The following NFYC variants were observed in gnomAD, a reference collection of about 807,000 sequenced individuals.
NFYC encodes CAAT box DNA-binding protein subunit C.
In NFYC, 25 loss-of-function variants were observed where a neutral mutation model predicts 53.1. The observed-to-expected ratio is 0.47, with a 90% CI of 0.34 to 0.66. NFYC has a LOEUF of 0.66. Among genes scored for constraint, NFYC ranks in the 30% least tolerant of loss-of-function variants. NFYC has a pLI of 0.01. For missense variants in NFYC, 260 were observed against 422.7 expected (o/e 0.62, Z 3.38); for synonymous variants, 145 against 152.6 (o/e 0.95, Z 0.37).
chr1:40,766,820 C>G (rs1445500636), intron 8 of NFYC, 117 bp downstream of exon 8: 6 of 1,471,860 alleles, frequency 4.1e-6, no homozygotes, highest in Non-Finnish European at 5.6e-6. Flanking sequence ...CCAGAAGCAC[C>G]ACCCCCACAC....
In NFYC at chr1:40,717,906, A is replaced by G. The variant is rs1322716039; in HGVS notation, c.-8-20930A>G. Among the ~76,000 whole-genome samples the G allele has an allele frequency of 3.9e-5, 6 of 152,250 alleles. No homozygotes were observed. The South Asian group carries it at 1.2e-3, about 31-fold the overall frequency. On this transcript the variant is annotated intron_variant, in intron 1 of 9. Coordinates refer to ENST00000447388, the MANE Select transcript of NFYC (RefSeq NM_014223.5). ...GCACCAATGAGCAGCACACACAATT[A>G]ATTACCAGGAATGAGACTAGCCTCA...
rs141979115 is a variant in NFYC, at chr1:40,760,754, T to C, written c.562-2134T>C. Reference sequence around the variant, plus strand: ...AAGGTAATTATGATTTTAGGATTTATTCTCTGCTCATTTTACTTATCCATA... The same window carrying C: ...AAGGTAATTATGATTTTAGGATTTACTCTCTGCTCATTTTACTTATCCATA... On this transcript the variant is annotated intron_variant, in intron 6 of 9. Transcript: ENST00000447388. Among the ~76,000 whole-genome samples the C allele has an allele frequency of 9.2e-5, 14 of 152,280 alleles. No individual in the cohort carries two copies. The East Asian group carries it at 2.3e-3, about 25-fold the overall frequency.
Position 40,762,974 on chromosome 1 carries a change from G to A in NFYC, c.648G>A (p.Gln216=), listed in dbSNP as rs756903355. The A allele has an allele frequency of 1.4e-5, 23 of 1,612,322 alleles. No homozygotes were observed. The South Asian group carries it at 2.5e-4, about 18-fold the overall frequency. The part of the protein sequence containing the change: ...AQPQGQAQQA[Q]SGTGQTMQVM... The stretch of plus-strand genomic sequence containing the variant: ...CACAGGGTCAAGCCCAACAGGCCCA[G>A]AGTGGCACTGGACAGACCATGCAGG... The change falls in exon 7 of 10, where the codon CAG becomes CAA. Residue 216 remains glutamine (Q), a synonymous_variant. Coordinates refer to ENST00000447388, the MANE Select transcript of NFYC (RefSeq NM_014223.5).
At chr1:40,733,272 C>A (rs191535195) in intron 1 of NFYC, among the ~76,000 whole-genome samples, 1 of 151,716 alleles carries the variant, frequency 6.6e-6, no homozygotes, top group East Asian at 2.0e-4. Context: ...AGGTGCAGAT[C>A]GGGCCTCCTT....
chr1:40,731,530 G>A lies in NFYC; in HGVS notation c.-8-7306G>A, dbSNP rs199943856. ...GGACAGAGTCTTGCTCTGTTGCCAG[G>A]CTCTAGTGCAGTGGCGCGACCTCAG... On this transcript the variant is annotated intron_variant, in intron 1 of 9. Coordinates refer to ENST00000447388, the MANE Select transcript of NFYC (RefSeq NM_014223.5). 3.3e-4 allele frequency among the ~76,000 whole-genome samples: 48 copies of A among 147,638 alleles called. 1 individual carries two copies. The East Asian group carries it at 8.6e-3, about 26-fold the overall frequency.
chr1:40,770,705 G>A lies in NFYC; in HGVS notation c.889-4G>A, dbSNP rs199887809. The A allele has an allele frequency of 1.6e-5, 26 of 1,613,900 alleles. No individual in the cohort carries two copies. Among genetic ancestry groups the A allele is most frequent in the African/African-American group, 1.5e-4 (11 of 74,874 alleles). On this transcript the variant is annotated splice_region_variant and splice_polypyrimidine_tract_variant and intron_variant, in intron 9 of 9. Coordinates refer to ENST00000447388, the MANE Select transcript of NFYC (RefSeq NM_014223.5). This position sits in a 1 kb window ranked among gnomAD's most constrained non-coding sequence, Gnocchi z 5.3. ...CCTCACTCTCTCCTCTCCACCCCTC[G>A]CAGCAGCTCTACCAGATCCAGCAAG...
At chr1:40,729,048 C>T (rs375960097) in intron 1 of NFYC, among the ~76,000 whole-genome samples, 5 of 152,172 alleles carry the variant, frequency 3.3e-5, no homozygotes, top group South Asian at 2.1e-4. Context: ...TAGTCAACCA[C>T]GCTGTAAACA....
chr1:40,769,619 G>C (rs1646984888), intron 9 of NFYC, among the ~76,000 whole-genome samples: 1 of 152,170 alleles, frequency 6.6e-6, no homozygotes, highest in Non-Finnish European at 1.5e-5. Context: ...AATAATCTTA[G>C]ACATGTAGCC....
intron 1 of NFYC, among the ~76,000 whole-genome samples, chr1:40,718,860 T>TTTTTGTTTTG (rs370129441): frequency 5.3e-5 from 8 of 152,244 alleles, no homozygotes; most frequent in African/African-American, 1.9e-4. Flanking sequence ...ATGGTGGTTT[T>TTTTTGTTTTG]TTTTGTTTTG....
chr1:40,750,514 A>C (rs1645855146), intron 4 of NFYC, among the ~76,000 whole-genome samples: 1 of 152,236 alleles, frequency 6.6e-6, no homozygotes, highest in Admixed American at 6.5e-5. Flanking sequence ...TATCTGTGGG[A>C]AGCCTGCATT....
rs776488405 is a variant in NFYC at position 40,766,567 on chromosome 1, T to C, written c.721-29T>C. 51 of 1,540,868 alleles carry C rather than the reference T, an allele frequency of 3.3e-5. No homozygotes were observed. In the East Asian group the frequency reaches 1.0e-3, roughly 30 times the overall value. ...GTTTGAGATTATACTCAATGTCTTA[T>C]GGTCTCTTTGTCTCTGCCCCTGCCC... On this transcript the variant is annotated intron_variant, in intron 7 of 9. Transcript: ENST00000447388.
intron 1 of NFYC, among the ~76,000 whole-genome samples, chr1:40,728,558 T>C (rs1393544198): frequency 2.0e-5 from 3 of 151,618 alleles, no homozygotes; most frequent in Admixed American, 6.6e-5. Context: ...ATGGCACCAC[T>C]GCACTCCAGC....
intron 1 of NFYC, among the ~76,000 whole-genome samples, chr1:40,736,854 C>G (rs1157087791): frequency 7.0e-6 from 1 of 143,454 alleles, no homozygotes; most frequent in Non-Finnish European, 1.5e-5. Context: ...AGGCTGGGCG[C>G]GGTGGCTCAC....
At chr1:40,725,918 T>C (rs1644495112) in intron 1 of NFYC, among the ~76,000 whole-genome samples, 1 of 152,230 alleles carries the variant, frequency 6.6e-6, no homozygotes, top group Non-Finnish European at 1.5e-5. Flanking sequence ...AACAGCATAA[T>C]GTCTAAAAAA....
chr1:40,698,768 T>C (rs983452474), intron 1 of NFYC, among the ~76,000 whole-genome samples: 2 of 152,154 alleles, frequency 1.3e-5, no homozygotes, highest in African/African-American at 4.8e-5. Flanking sequence ...AAGTCAATTG[T>C]ATATTCTTAA....
At chr1:40,718,775 G>A (rs1292610190) in intron 1 of NFYC, among the ~76,000 whole-genome samples, 1 of 152,228 alleles carries the variant, frequency 6.6e-6, no homozygotes, top group Non-Finnish European at 1.5e-5. Context: ...TACATACTTT[G>A]TGGTATGTAT....
chr1:40,766,310 T>C (rs1217379801), intron 7 of NFYC: 7 of 327,226 alleles, frequency 2.1e-5, no homozygotes, highest in Non-Finnish European at 2.8e-5. Flanking sequence ...TGGCAAATAA[T>C]GAGCATGCAG....
intron 1 of NFYC, among the ~76,000 whole-genome samples, chr1:40,692,896 C>T (rs1024019752): frequency 1.3e-5 from 2 of 152,164 alleles, no homozygotes; most frequent in African/African-American, 2.4e-5. Flanking sequence ...TATTGAGTCT[C>T]AGGACCATAC....
At chr1:40,692,124 G>A in intron 1 of NFYC, 2 of 197,428 alleles carry the variant, frequency 1.0e-5, no homozygotes, top group South Asian at 1.0e-4. Flanking sequence ...CGGCGGGGGG[G>A]CTCGCTCGTG....
Sources: gnomAD v4.1 joint callset for allele counts (sites outside exome capture counted in the v4.1 genomes callset) on GRCh38, gnomAD v4.1.1 for gene constraint, Gnocchi (gnomAD v3.1) non-coding constraint, MANE v1.5 for transcripts, NCBI Gene and HGNC (gene_info 2026-07-23, HGNC 2026-07-21) for gene names.